EDEM3: variants seen among roughly 807,000 people sequenced by gnomAD.
EDEM3 encodes ER degradation-enhancing alpha-mannosidase-like protein 3.
EDEM3 carries 60 observed loss-of-function variants against 110.2 expected under a neutral mutation model. The ratio of observed to expected loss-of-function variants is 0.54; its 90% CI spans 0.44 to 0.67. The LOEUF (loss-of-function observed/expected upper bound fraction) is 0.67. Among genes scored for constraint, EDEM3 ranks in the 30% least tolerant of loss-of-function variants. The probability of loss-of-function intolerance (pLI) is 0.00; values close to 1 mark genes in which losing one functional copy is unlikely to be tolerated. For synonymous variants in EDEM3, 352 were observed against 382.9 expected, an observed-to-expected ratio of 0.92 and a Z score of 0.94; for missense variants, 996 against 1,121.0, an observed-to-expected ratio of 0.89 and a Z score of 1.59.
At chr1:184,699,973 G>A (rs1032722104) in intron 19 of EDEM3, among the ~76,000 whole-genome samples, 2 of 151,930 alleles carry the variant, frequency 1.3e-5, no homozygotes, top group Non-Finnish European at 2.9e-5. Context: ...GTGGGCACAC[G>A]GTTGGAATAA....
At chr1:184,749,939 G>GT (rs1396811017) in intron 1 of EDEM3, among the ~76,000 whole-genome samples, 1 of 152,058 alleles carries the variant, frequency 6.6e-6, no homozygotes, top group Admixed American at 6.5e-5. Flanking sequence ...ATTATTTAAC[G>GT]TATCTGTCTT....
In EDEM3 at chr1:184,694,414, A is replaced by C; in HGVS notation, c.2448T>G (p.Ser816Arg). ...PSSENDSQNQSGEQISSSSQE... is the reference protein window; with the variant it reads ...PSSENDSQNQRGEQISSSSQE... ...GAGAACTTGATGAAATCTGTTCACC[A>C]CTCTGATTCTGAGAATCATTTTCAG... is the stretch of plus-strand genomic sequence containing the variant. Residue 816 changes from serine to arginine, a missense_variant, in exon 20 of 20, where the codon AGT becomes AGG. Physicochemically the swap from Ser to Arg is moderately radical, Grantham distance 110 (BLOSUM62 -1). This residue lies in a region of EDEM3 where 345 missense variants were observed against 402.0 expected (regional missense o/e 0.86). Coordinates refer to ENST00000318130, the MANE Select transcript of EDEM3 (RefSeq NM_025191.4). The C allele has an allele frequency of 1.2e-6, 2 of 1,610,430 alleles. No individual in the cohort carries two copies. The highest frequency in any genetic ancestry group is 1.3e-5 in the African/African-American group (1 of 74,914).
chr1:184,716,858 G>C, intron 13 of EDEM3, 30 bp downstream of exon 13: 1 of 1,609,454 alleles, frequency 6.2e-7, no homozygotes, highest in East Asian at 2.2e-5. Flanking sequence ...GAGAGACCCT[G>C]AGGAAAGAGG....
chr1:184,692,803 G>GC lies in EDEM3; in HGVS notation c.*1259_*1260insG, dbSNP rs1487962259. 1.4e-5 allele frequency: 2 copies of GC among 148,112 alleles called. No homozygotes were observed. The highest frequency in any genetic ancestry group is 3.0e-5 in the Non-Finnish European group (2 of 67,032). 9.2% of individuals were successfully genotyped at this position (148,112 alleles called of 1,614,324 possible). A position where few individuals can be genotyped will look rare whatever the true frequency, so the allele number is the denominator to read the frequency against. On this transcript the variant is annotated 3_prime_UTR_variant, in exon 20 of 20. Transcript: ENST00000318130. The stretch of plus-strand genomic sequence containing the variant: ...ACAACAAACCAAAAAAAAAAAGGGG[G>GC]GGGGTGGAAGTCTCATTAAGCTATA...
intron 4 of EDEM3, among the ~76,000 whole-genome samples, chr1:184,734,933 G>T (rs1452782639): frequency 6.6e-6 from 1 of 152,166 alleles, no homozygotes; most frequent in Non-Finnish European, 1.5e-5. Context: ...CAGGCTACAT[G>T]AGGTGAGTTC....
chr1:184,721,421 T>A, intron 8 of EDEM3, 35 bp from the exon 9 acceptor site: 1 of 1,542,344 alleles, frequency 6.5e-7, no homozygotes, highest in South Asian at 1.2e-5. Context: ...TCATTAAATT[T>A]TTTTAAAACC....
At chr1:184,703,806 C>A (rs371115149) in intron 18 of EDEM3, among the ~76,000 whole-genome samples, 1 of 152,160 alleles carries the variant, frequency 6.6e-6, no homozygotes, top group African/African-American at 2.4e-5. Flanking sequence ...CTGAGTCTCT[C>A]TGGGGGACCT....
Position 184,754,805 on chromosome 1 carries a change from G to C in EDEM3, c.-159C>G. On this transcript the variant is annotated 5_prime_UTR_variant, in exon 1 of 20. Transcript: ENST00000318130. ...CCAAACTGTTTCCCGAAGCCACCAA[G>C]CCGGTCCCCAGCGCCAGCGCTGCCA... 8.1e-7 allele frequency: 1 copy of C among 1,230,290 alleles called. No homozygotes were observed. Among genetic ancestry groups the C allele is most frequent in the Non-Finnish European group, 1.1e-6 (1 of 935,096 alleles). The allele number at this position is 1,230,290 out of a possible 1,614,324, so 76.2% of individuals were successfully genotyped here. A position where few individuals can be genotyped will look rare whatever the true frequency, so the allele number is the denominator to read the frequency against.
rs1377920066 is a variant in EDEM3 at position 184,692,022 on chromosome 1, T to C, written c.*2041A>G. 2.0e-5 allele frequency: 3 copies of C among 152,132 alleles called. No homozygotes were observed. Among genetic ancestry groups the C allele is most frequent in the Admixed American group, 6.6e-5 (1 of 15,256 alleles). The allele number at this position is 152,132 out of a possible 1,614,324, so 9.4% of individuals were successfully genotyped here. The stretch of plus-strand genomic sequence containing the variant: ...AAGAAATTAGGTTGTTTTGATAACT[T>C]AGAAAAGTTAGTTTTAGACAACAGT... On this transcript the variant is annotated 3_prime_UTR_variant, in exon 20 of 20. Transcript: ENST00000318130.
At chr1:184,754,370 G>T in intron 1 of EDEM3, 119 bp downstream of exon 1, 2 of 1,475,584 alleles carry the variant, frequency 1.4e-6, no homozygotes, top group East Asian at 2.4e-5. Flanking sequence ...GTTCTCGCGC[G>T]GGAAGAGCCG....
intron 1 of EDEM3, among the ~76,000 whole-genome samples, chr1:184,753,201 ATTT>A (rs551510707): frequency 3.4e-5 from 5 of 148,298 alleles, no homozygotes; most frequent in South Asian, 2.1e-4. Context: ...CTGAGCTCAG[ATTT>A]TTTTTTTCTT....
intron 2 of EDEM3, among the ~76,000 whole-genome samples, chr1:184,741,461 T>C (rs1374700882): frequency 6.6e-6 from 1 of 152,128 alleles, no homozygotes; most frequent in East Asian, 1.9e-4. Context: ...TCAATGTTTC[T>C]AATATTTTTA....
intron 8 of EDEM3, among the ~76,000 whole-genome samples, chr1:184,722,953 C>T (rs1220463585): frequency 1.3e-5 from 2 of 151,820 alleles, no homozygotes; most frequent in African/African-American, 4.8e-5. Flanking sequence ...TCCCATGCTC[C>T]TGATTTATTT....
At chr1:184,732,458 A>G (rs75198305) in intron 6 of EDEM3, among the ~76,000 whole-genome samples, 8,604 of 152,208 alleles carry the variant, frequency 0.057, 785 homozygotes, top group African/African-American at 0.2. Context: ...TAAAACAACT[A>G]AAAGAGTATA....
intron 19 of EDEM3, among the ~76,000 whole-genome samples, chr1:184,696,016 C>A (rs925782676): frequency 6.6e-6 from 1 of 151,972 alleles, no homozygotes; most frequent in Non-Finnish European, 1.5e-5. Flanking sequence ...ATCCTCTTTC[C>A]TGAAGCAACT....
intron 11 of EDEM3, among the ~76,000 whole-genome samples, chr1:184,717,931 T>C (rs1294813544): frequency 1.3e-5 from 2 of 152,028 alleles, no homozygotes; most frequent in Non-Finnish European, 2.9e-5. Context: ...GTGTTTTCTT[T>C]TTATCCTTCC....
intron 19 of EDEM3, among the ~76,000 whole-genome samples, chr1:184,702,386 T>C (rs953095121): frequency 2.6e-5 from 4 of 152,290 alleles, no homozygotes; most frequent in Admixed American, 2.6e-4. Context: ...TGATTATAGG[T>C]GGCCTGTTGA....
intron 2 of EDEM3, among the ~76,000 whole-genome samples, chr1:184,747,933 A>C (rs1303057300): frequency 6.6e-6 from 1 of 152,232 alleles, no homozygotes. Context: ...GAGAAACTGA[A>C]CTTATCCAGC....
intron 4 of EDEM3, among the ~76,000 whole-genome samples, chr1:184,735,424 T>C (rs1286751151): frequency 1.3e-5 from 2 of 152,210 alleles, no homozygotes; most frequent in African/African-American, 2.4e-5. Flanking sequence ...GCAGCAAAAG[T>C]AGTCCCTGTC....
Sources: allele counts gnomAD v4.1 joint callset (sites outside exome capture counted in the v4.1 genomes callset), GRCh38; gene constraint gnomAD v4.1.1; regional missense constraint gnomAD v4.1.1; transcripts MANE v1.5; gene names NCBI Gene and HGNC (gene_info 2026-07-23, HGNC 2026-07-21).